The following TEAD1 variants were observed in gnomAD, a reference collection of about 807,000 sequenced individuals.
The protein encoded by TEAD1 is transcriptional enhancer factor TEF-1.
Under a neutral mutation model 54.9 loss-of-function variants are expected in TEAD1, and 9 were observed. That is an observed-to-expected ratio of 0.16 (90% CI 0.10 to 0.29). The LOEUF (loss-of-function observed/expected upper bound fraction) is 0.29, where lower values mean the gene tolerates loss of function less well. Ranked by LOEUF, TEAD1 falls within the 10% of genes least tolerant of loss-of-function variation. TEAD1 has a pLI of 1.00. For missense variants in TEAD1, 387 were observed against 535.9 expected (o/e 0.72, Z 2.74); for synonymous variants, 200 against 187.8 (o/e 1.07, Z -0.53).
At chr11:12,817,729 A>C (rs375465010) in intron 3 of TEAD1, among the ~76,000 whole-genome samples, 1 of 152,214 alleles carries the variant, frequency 6.6e-6, no homozygotes, top group Non-Finnish European at 1.5e-5. Flanking sequence ...GGACCAAACT[A>C]TAAAGAATGA....
chr11:12,929,077 C>T (rs753158852), intron 11 of TEAD1, among the ~76,000 whole-genome samples: 8 of 151,802 alleles, frequency 5.3e-5, no homozygotes, highest in Non-Finnish European at 1.0e-4. Flanking sequence ...TATTTGTTGA[C>T]ATTTTCCCCT....
intron 9 of TEAD1, among the ~76,000 whole-genome samples, chr11:12,894,388 A>C (rs1948265437): frequency 6.6e-6 from 1 of 152,104 alleles, no homozygotes; most frequent in Non-Finnish European, 1.5e-5. Context: ...AGTTCAATAC[A>C]TCTAGATTCA....
rs368674459 is a variant in TEAD1 at position 12,847,739 on chromosome 11, C to G, written c.203-14511C>G. On this transcript the variant is annotated intron_variant, in intron 3 of 12. Transcript: ENST00000527636. ...GTCTTGCTCTGTTGGCCAGGTTGTT[C>G]TTGAACTCCTGGCCTCAAGCAGTCC... 4.6e-5 allele frequency among the ~76,000 whole-genome samples: 7 copies of G among 151,878 alleles called. No homozygotes were observed. In the South Asian group the frequency reaches 6.3e-4, roughly 14 times the overall value.
chr11:12,716,016 T>A (rs1410561867), intron 2 of TEAD1, among the ~76,000 whole-genome samples: 1 of 151,600 alleles, frequency 6.6e-6, no homozygotes, highest in African/African-American at 2.4e-5. Flanking sequence ...CCTCCCCACC[T>A]TCCCCCCAAG....
intron 2 of TEAD1, among the ~76,000 whole-genome samples, chr11:12,758,407 T>TG (rs1945030109): frequency 7.7e-6 from 1 of 129,256 alleles, no homozygotes; most frequent in East Asian, 2.1e-4. Flanking sequence ...CCCAGCTAGT[T>TG]TTTTTTTTTT....
intron 2 of TEAD1, among the ~76,000 whole-genome samples, chr11:12,743,946 A>G (rs957304768): frequency 2.0e-5 from 3 of 152,198 alleles, no homozygotes; most frequent in Non-Finnish European, 4.4e-5. Context: ...ACACGCTGTT[A>G]TGGAAGTATT....
intron 3 of TEAD1, 33 bp from the exon 4 acceptor site, chr11:12,862,217 A>C (rs547577179): frequency 1.3e-6 from 2 of 1,590,738 alleles, no homozygotes; most frequent in African/African-American, 2.7e-5. Context: ...TGTTTTGGTA[A>C]CCCACCTCAT....
At chr11:12,934,371 C>G (rs1198887740) in intron 12 of TEAD1, among the ~76,000 whole-genome samples, 3 of 151,952 alleles carry the variant, frequency 2.0e-5, no homozygotes, top group African/African-American at 7.3e-5. Context: ...GGGAACATCA[C>G]ACACCGGGGC....
At chr11:12,732,819 A>G (rs1347258916) in intron 2 of TEAD1, among the ~76,000 whole-genome samples, 1 of 152,208 alleles carries the variant, frequency 6.6e-6, no homozygotes, top group Admixed American at 6.5e-5. Flanking sequence ...ATTGTGTTGA[A>G]TAGTGATTGC....
Position 12,872,598 on chromosome 11 carries a change from G to A in TEAD1, c.331-7110G>A, listed in dbSNP as rs1947773842. On this transcript the variant is annotated intron_variant, in intron 5 of 12. Coordinates refer to ENST00000527636, the MANE Select transcript of TEAD1 (RefSeq NM_021961.6). The stretch of plus-strand genomic sequence containing the variant: ...GGAGAAATTAATGATGGGAGCCAGG[G>A]CACTGAATATGTAGATAAAGATAAT... Among the ~76,000 whole-genome samples the A allele has an allele frequency of 3.9e-5, 6 of 152,320 alleles. 1 individual carries two copies. The South Asian group carries it at 1.2e-3, about 32-fold the overall frequency.
At chr11:12,816,238 T>G (rs1946411974) in intron 3 of TEAD1, among the ~76,000 whole-genome samples, 1 of 152,230 alleles carries the variant, frequency 6.6e-6, no homozygotes, top group Admixed American at 6.5e-5. Context: ...GCTGCCCGCC[T>G]TGCTGCCACC....
chr11:12,716,774 A>G (rs1398977966), intron 2 of TEAD1, among the ~76,000 whole-genome samples: 1 of 152,238 alleles, frequency 6.6e-6, no homozygotes, highest in Non-Finnish European at 1.5e-5. Flanking sequence ...TGTAAAAACC[A>G]TTCTTCCTTC....
chr11:12,775,583 A>AT (rs1390842744), intron 3 of TEAD1, among the ~76,000 whole-genome samples: 1 of 152,186 alleles, frequency 6.6e-6, no homozygotes, highest in East Asian at 1.9e-4. Context: ...ATAAATGATC[A>AT]TTATTGATGG....
At chr11:12,912,091 G>A (rs932711610) in intron 10 of TEAD1, among the ~76,000 whole-genome samples, 3 of 152,050 alleles carry the variant, frequency 2.0e-5, no homozygotes, top group Non-Finnish European at 2.9e-5. Flanking sequence ...GGAATCATCC[G>A]CAAGCAATTC....
At chr11:12,706,882 G>T (rs905886091) in intron 2 of TEAD1, among the ~76,000 whole-genome samples, 3 of 152,110 alleles carry the variant, frequency 2.0e-5, no homozygotes, top group Non-Finnish European at 4.4e-5. Context: ...GCAAGAGCAG[G>T]TGTTATCCCC....
chr11:12,880,129 GA>G (rs1431613315), intron 6 of TEAD1, among the ~76,000 whole-genome samples: 2 of 152,280 alleles, frequency 1.3e-5, no homozygotes, highest in South Asian at 2.1e-4. Context: ...CTGAGTCCCT[GA>G]AGACATGGAA....
Position 12,944,442 on chromosome 11 carries a change from A to G in TEAD1, c.*7220A>G, listed in dbSNP as rs981320175. ...TTAGTATGATAGTTATATGAAAATT[A>G]TAGGATTTGTGTGCAGAGAATTTTT... On this transcript the variant is annotated 3_prime_UTR_variant, in exon 13 of 13. Coordinates refer to ENST00000527636, the MANE Select transcript of TEAD1 (RefSeq NM_021961.6). 3 of 152,224 alleles carry G rather than the reference A, an allele frequency of 2.0e-5. No homozygotes were observed. The highest frequency in any genetic ancestry group is 2.0e-4 in the Admixed American group (3 of 15,224). The allele number at this position is 152,224 out of a possible 1,614,324, so 9.4% of individuals were successfully genotyped here.
chr11:12,877,579 A>C lies in TEAD1; in HGVS notation c.331-2129A>C, dbSNP rs1334132686. On this transcript the variant is annotated intron_variant, in intron 5 of 12. Coordinates refer to ENST00000527636, the MANE Select transcript of TEAD1 (RefSeq NM_021961.6). Reference sequence around the variant, plus strand: ...GAGGCTGAGGTAGGAGAATCACTTGAACCTGGGAAGCGGAGGTTGCAATGA... The same window carrying C: ...GAGGCTGAGGTAGGAGAATCACTTGCACCTGGGAAGCGGAGGTTGCAATGA... Among the ~76,000 whole-genome samples the C allele has an allele frequency of 3.3e-5, 5 of 152,176 alleles. No homozygotes were observed. The East Asian group carries it at 7.8e-4, about 24-fold the overall frequency.
chr11:12,833,952 G>A (rs907645893), intron 3 of TEAD1, among the ~76,000 whole-genome samples: 17 of 152,180 alleles, frequency 1.1e-4, no homozygotes, highest in African/African-American at 4.1e-4. Flanking sequence ...GGCGTGGGCT[G>A]TGTCTGTTTG....
Sources: gnomAD v4.1 joint callset for allele counts (sites outside exome capture counted in the v4.1 genomes callset) on GRCh38, gnomAD v4.1.1 for gene constraint, MANE v1.5 for transcripts, NCBI Gene and HGNC (gene_info 2026-07-23, HGNC 2026-07-21) for gene names.